The following NPR3 variants were observed in gnomAD, a reference collection of about 807,000 sequenced individuals.
NPR3 encodes natriuretic peptide receptor 3, also known as atrial natriuretic peptide receptor 3.
A neutral mutation model predicts 54.5 loss-of-function variants in NPR3; 34 were observed. The observed-to-expected ratio is 0.62, with a 90% CI of 0.47 to 0.83. The LOEUF (loss-of-function observed/expected upper bound fraction) is 0.83. Among genes scored for constraint, NPR3 ranks in the 40% least tolerant of loss-of-function variants. NPR3 has a pLI of 0.00. For missense variants in NPR3, 674 were observed against 720.8 expected (o/e 0.94, Z 0.74); for synonymous variants, 289 against 297.1 (o/e 0.97, Z 0.28).
At chr5:32,771,157 A>G (rs1741737094) in intron 3 of NPR3, among the ~76,000 whole-genome samples, 1 of 150,052 alleles carries the variant, frequency 6.7e-6, no homozygotes, top group Admixed American at 6.6e-5. Flanking sequence ...TGTAGATGTG[A>G]GAATGTTCTT....
At chr5:32,759,812 A>G (rs1554017559) in intron 3 of NPR3, among the ~76,000 whole-genome samples, 1 of 152,030 alleles carries the variant, frequency 6.6e-6, no homozygotes, top group Non-Finnish European at 1.5e-5. Flanking sequence ...TGGTGACAAA[A>G]TCTCTCCGCA....
chr5:32,725,239 T>C (rs1279548276), intron 2 of NPR3, among the ~76,000 whole-genome samples: 1 of 152,176 alleles, frequency 6.6e-6, no homozygotes, highest in African/African-American at 2.4e-5. Context: ...AATCTGCACA[T>C]GTACCCGTTG....
rs755496653 is a variant in NPR3 at position 32,711,813 on chromosome 5, G to A, written c.37G>A (p.Val13Ile). 9.6e-6 allele frequency: 14 copies of A among 1,451,288 alleles called. No individual in the cohort carries two copies. Among genetic ancestry groups the A allele is most frequent in the Middle Eastern group, 3.6e-4 (2 of 5,504 alleles). 89.9% of individuals were successfully genotyped at this position (1,451,288 alleles called of 1,614,324 possible). The change falls in exon 1 of 8, where the codon GTA becomes ATA. Residue 13 changes from valine to isoleucine, a missense_variant. Coordinates refer to ENST00000265074, the MANE Select transcript of NPR3 (RefSeq NM_001204375.2). ...GCTGGTGCTCACTTTCTCCCCGTGC[G>A]TACTACTCGGCTGGGCGTTGCTGGC... is the stretch of plus-strand genomic sequence containing the variant. ...SLLVLTFSPC[V>I]LLGWALLAGG...
intron 3 of NPR3, among the ~76,000 whole-genome samples, chr5:32,769,917 C>T (rs1464064960): frequency 5.3e-5 from 8 of 152,172 alleles, no homozygotes; most frequent in African/African-American, 9.7e-5. Flanking sequence ...CGACGTGGCT[C>T]GCTGCCACGG....
chr5:32,738,346 T>C (rs565960882), intron 2 of NPR3, among the ~76,000 whole-genome samples: 1 of 151,950 alleles, frequency 6.6e-6, no homozygotes, highest in Non-Finnish European at 1.5e-5. Context: ...GTCTATGTGT[T>C]CTCATTGTTC....
At chr5:32,693,922 G>A (rs1740461788) in intron 1 of NPR3, among the ~76,000 whole-genome samples, 1 of 152,174 alleles carries the variant, frequency 6.6e-6, no homozygotes, top group Admixed American at 6.5e-5. Flanking sequence ...CATACAATCT[G>A]CTTCCGGCTC....
chr5:32,744,575 A>G (rs1740201634), intron 3 of NPR3, among the ~76,000 whole-genome samples: 1 of 152,214 alleles, frequency 6.6e-6, no homozygotes, highest in Non-Finnish European at 1.5e-5. Flanking sequence ...CCAATGATGA[A>G]TACTTACCGT....
chr5:32,704,872 G>T (rs903491288), upstream of NPR3, among the ~76,000 whole-genome samples: 16 of 152,246 alleles, frequency 1.1e-4, no homozygotes, highest in Admixed American at 9.2e-4. Context: ...ATCCTTTTTG[G>T]AAGAAGGCAG....
chr5:32,708,228 G>C (rs1004230318), upstream of NPR3, among the ~76,000 whole-genome samples: 1 of 151,896 alleles, frequency 6.6e-6, no homozygotes, highest in African/African-American at 2.4e-5. Flanking sequence ...TAGTAAAAAG[G>C]TTACCACTCT....
At chr5:32,713,544 T>A in intron 1 of NPR3, 5 of 875,316 alleles carry the variant, frequency 5.7e-6, no homozygotes, top group Non-Finnish European at 6.9e-6. Context: ...CCGTCTCTGC[T>A]CCCCCTTGGC....
intron 1 of NPR3, among the ~76,000 whole-genome samples, 167 bp from the exon 2 acceptor site, chr5:32,724,531 C>T (rs1279494312): frequency 1.3e-5 from 2 of 152,192 alleles, no homozygotes; most frequent in Non-Finnish European, 2.9e-5. Flanking sequence ...ATGGAGGCGT[C>T]TGCTAGGTTC....
chr5:32,775,856 C>T (rs2112052513), intron 4 of NPR3, among the ~76,000 whole-genome samples: 1 of 152,212 alleles, frequency 6.6e-6, no homozygotes, highest in South Asian at 2.1e-4. Context: ...CCTTGGCCTC[C>T]CAAGCTTTCT....
chr5:32,737,878 T>C (rs532024123), intron 2 of NPR3, among the ~76,000 whole-genome samples: 49 of 152,068 alleles, frequency 3.2e-4, no homozygotes, highest in Non-Finnish European at 1.5e-4. Flanking sequence ...TTCTGAGGAG[T>C]AAATGTTTTT....
chr5:32,729,548 T>C (rs1432204439), intron 2 of NPR3, among the ~76,000 whole-genome samples: 2 of 152,332 alleles, frequency 1.3e-5, no homozygotes, highest in Admixed American at 1.3e-4. Flanking sequence ...GGCAGTTTCA[T>C]CATTGTATGA....
chr5:32,706,071 C>T (rs1737976265), upstream of NPR3, among the ~76,000 whole-genome samples: 1 of 151,936 alleles, frequency 6.6e-6, no homozygotes, highest in Non-Finnish European at 1.5e-5. Flanking sequence ...GCGTATCCCT[C>T]ATGACTTGGT....
Position 32,750,584 on chromosome 5 carries a change from G to A in NPR3, c.1059+11554G>A, listed in dbSNP as rs972315653. ...TGATTTACCTGAAATCTCTTCTGTA[G>A]TACCATGCAAGTGTTCAAAGATGGT... On this transcript the variant is annotated intron_variant, in intron 3 of 7. Coordinates refer to ENST00000265074, the MANE Select transcript of NPR3 (RefSeq NM_001204375.2). Among the ~76,000 whole-genome samples the A allele has an allele frequency of 1.7e-4, 26 of 152,122 alleles. 1 individual carries two copies. Among genetic ancestry groups the A allele is most frequent in the Admixed American group, 1.6e-3 (24 of 15,274 alleles).
Position 32,694,210 on chromosome 5 carries a change from G to A in NPR3, c.100+5024G>A, listed in dbSNP as rs1286421712. Among the ~76,000 whole-genome samples, 8 of 152,306 alleles carry A rather than the reference G, an allele frequency of 5.3e-5. No individual in the cohort carries two copies. In the East Asian group the frequency reaches 1.3e-3, roughly 26 times the overall value. ...AAATATCTGAAGTTGGGATACCAGGGCCAATATCAAGGTGACTACTAAAAG... is the reference window on the plus strand; with the variant it reads ...AAATATCTGAAGTTGGGATACCAGGACCAATATCAAGGTGACTACTAAAAG... On this transcript the variant is annotated intron_variant, in intron 1 of 5. Coordinates refer to the NPR3 transcript ENST00000509104.
chr5:32,705,567 G>A (rs1301098851), upstream of NPR3, among the ~76,000 whole-genome samples: 1 of 152,048 alleles, frequency 6.6e-6, no homozygotes, highest in East Asian at 1.9e-4. Flanking sequence ...GGATGGGGAG[G>A]GGGAGATGCT....
chr5:32,735,855 A>G (rs1739712306), intron 2 of NPR3, among the ~76,000 whole-genome samples: 1 of 152,220 alleles, frequency 6.6e-6, no homozygotes, highest in Admixed American at 6.5e-5. Flanking sequence ...AAGTCGTAGT[A>G]TCAGTTATGG....
Sources: gnomAD v4.1 joint callset for allele counts (sites outside exome capture counted in the v4.1 genomes callset) on GRCh38, gnomAD v4.1.1 for gene constraint, MANE v1.5 for transcripts, NCBI Gene and HGNC (gene_info 2026-07-23, HGNC 2026-07-21) for gene names.